STK32A: variants seen among roughly 807,000 people sequenced by gnomAD.
The protein encoded by STK32A is serine/threonine-protein kinase 32A.
A neutral mutation model predicts 53.2 loss-of-function variants in STK32A; 41 were observed. That is an observed-to-expected ratio of 0.77 (90% CI 0.60 to 1.00). The LOEUF is 1.00. STK32A is among the 50% of genes least tolerant of loss of function. STK32A has a pLI of 0.00. For synonymous variants in STK32A, 166 were observed against 162.8 expected, an observed-to-expected ratio of 1.02 and a Z score of -0.15; for missense variants, 458 against 485.8, an observed-to-expected ratio of 0.94 and a Z score of 0.54.
At chr5:147,389,765 G>A (rs1757753617), downstream of STK32A, among the ~76,000 whole-genome samples, 1 of 152,162 alleles carries the variant, frequency 6.6e-6, no homozygotes, top group South Asian at 2.1e-4. Context: ...CAGCTACTCA[G>A]GAGACTGAGA....
intron 4 of STK32A, among the ~76,000 whole-genome samples, chr5:147,316,418 C>T (rs1390166398): frequency 6.6e-6 from 1 of 152,124 alleles, no homozygotes; most frequent in Non-Finnish European, 1.5e-5. Context: ...TCATATTCTA[C>T]AGTTACAAAG....
chr5:147,323,105 A>G (rs1443380399), intron 4 of STK32A, among the ~76,000 whole-genome samples: 1 of 152,196 alleles, frequency 6.6e-6, no homozygotes, highest in East Asian at 1.9e-4. Context: ...ACGTTTTGGC[A>G]CCACCATTTG....
At chr5:147,356,871 G>GGGGA in intron 7 of STK32A, among the ~76,000 whole-genome samples, 1 of 152,104 alleles carries the variant, frequency 6.6e-6, no homozygotes, top group Admixed American at 6.5e-5. Context: ...TACTCAACCT[G>GGGGA]TACATTTAAA....
chr5:147,362,648 C>T (rs923792833), intron 8 of STK32A, among the ~76,000 whole-genome samples: 2 of 152,140 alleles, frequency 1.3e-5, no homozygotes, highest in Non-Finnish European at 2.9e-5. Context: ...TCAACAGTCC[C>T]AAAAGTCTTA....
In STK32A at chr5:147,383,948, C is replaced by CCACA; in HGVS notation, c.1157_1160dup (p.Gln387HisfsTer4). On this transcript the variant is annotated frameshift_variant, in exon 13 of 13. Transcript: ENST00000397936. LOFTEE classifies it high-confidence loss of function. ...TCTAGCCTTGGAACAAACCAAAGAC[C>CCACA]CACAAGGTGAGGATGGTCAGAATAA... The CCACA allele has an allele frequency of 2.5e-6, 4 of 1,608,898 alleles. No individual in the cohort carries two copies. Among genetic ancestry groups the CCACA allele is most frequent in the Non-Finnish European group, 3.4e-6 (4 of 1,178,218 alleles).
At chr5:147,376,753 A>G (rs1757247402) in intron 11 of STK32A, among the ~76,000 whole-genome samples, 1 of 152,128 alleles carries the variant, frequency 6.6e-6, no homozygotes, top group Non-Finnish European at 1.5e-5. Flanking sequence ...CTTCCCTTTC[A>G]TCTTCACATA....
In STK32A at chr5:147,384,679, G is replaced by A. The variant is rs1367106039; in HGVS notation, c.*696G>A. On this transcript the variant is annotated 3_prime_UTR_variant, in exon 13 of 13. Transcript: ENST00000397936. ...GTAATAATGGGAGCATTTACACCACGGAAACTGGTAAATGCTCGTTTTTTC... is the reference window on the plus strand; with the variant it reads ...GTAATAATGGGAGCATTTACACCACAGAAACTGGTAAATGCTCGTTTTTTC... 11 of 408,266 alleles carry A rather than the reference G, an allele frequency of 2.7e-5. No individual in the cohort carries two copies. Among genetic ancestry groups the A allele is most frequent in the South Asian group, 6.7e-5 (1 of 14,960 alleles). 25.3% of individuals were successfully genotyped at this position (408,266 alleles called of 1,614,324 possible). A position where few individuals can be genotyped will look rare whatever the true frequency, so the allele number is the denominator to read the frequency against.
chr5:147,358,552 G>C (rs1051925959), intron 7 of STK32A, among the ~76,000 whole-genome samples: 10 of 152,114 alleles, frequency 6.6e-5, no homozygotes, highest in African/African-American at 2.2e-4. Flanking sequence ...CAATGGGATA[G>C]GTAGGTAAAT....
intron 4 of STK32A, among the ~76,000 whole-genome samples, chr5:147,315,129 T>C (rs116857195): frequency 1.3e-5 from 2 of 152,194 alleles, no homozygotes; most frequent in Non-Finnish European, 2.9e-5. Flanking sequence ...ATAGTGGGAA[T>C]GTAATGTGGT....
At chr5:147,248,453 T>C (rs900144289) in intron 2 of STK32A, among the ~76,000 whole-genome samples, 1 of 152,196 alleles carries the variant, frequency 6.6e-6, no homozygotes, top group Non-Finnish European at 1.5e-5. Flanking sequence ...AGATATATTA[T>C]TTAATGGCCA....
Position 147,384,976 on chromosome 5 carries a change from A to G in STK32A, c.*993A>G, listed in dbSNP as rs1757594691. On this transcript the variant is annotated 3_prime_UTR_variant, in exon 13 of 13. Transcript: ENST00000397936. ...ATTACCCATAAAGTATATGGGAAGT[A>G]TCTTTTCTCAGTAAAGCCCAATACA... 1.3e-5 allele frequency: 2 copies of G among 152,472 alleles called. No homozygotes were observed. The highest frequency in any genetic ancestry group is 1.3e-4 in the Admixed American group (2 of 15,306). The allele number at this position is 152,472 out of a possible 1,614,324, so 9.4% of individuals were successfully genotyped here.
chr5:147,276,992 G>GTTGAGAAGAGAAAGTGATGATTA (rs1344126097), intron 2 of STK32A, among the ~76,000 whole-genome samples: 1 of 152,158 alleles, frequency 6.6e-6, no homozygotes, highest in Non-Finnish European at 1.5e-5. Flanking sequence ...GGAATTTGGA[G>GTTGAGAAGAGAAAGTGATGATTA]TTGAGAAGAG....
chr5:147,295,764 T>C (rs776435488), intron 4 of STK32A, among the ~76,000 whole-genome samples: 1 of 152,240 alleles, frequency 6.6e-6, no homozygotes. Context: ...ACCTTTAGAC[T>C]GTCAAGCCCT....
At chr5:147,290,106 G>A (rs1731228743) in intron 4 of STK32A, among the ~76,000 whole-genome samples, 1 of 152,126 alleles carries the variant, frequency 6.6e-6, no homozygotes, top group African/African-American at 2.4e-5. Context: ...AGAAACCCAT[G>A]CTATGGGGAT....
intron 11 of STK32A, chr5:147,375,461 C>G: frequency 2.7e-6 from 1 of 371,966 alleles, no homozygotes; most frequent in Non-Finnish European, 4.7e-6. Context: ...AGTTATTTCT[C>G]TCTTCCAGTT....
chr5:147,254,761 G>C (rs999556798), intron 2 of STK32A, among the ~76,000 whole-genome samples: 2 of 152,146 alleles, frequency 1.3e-5, no homozygotes, highest in East Asian at 1.9e-4. Flanking sequence ...GCAGGTAATC[G>C]GACTGAGTTA....
chr5:147,255,322 C>T (rs1167862673), intron 2 of STK32A, among the ~76,000 whole-genome samples: 2 of 152,076 alleles, frequency 1.3e-5, no homozygotes, highest in South Asian at 2.1e-4. Context: ...GAAGAAGCTT[C>T]TCTGGATAAG....
At chr5:147,359,257 G>A (rs1433141298) in intron 7 of STK32A, among the ~76,000 whole-genome samples, 1 of 151,922 alleles carries the variant, frequency 6.6e-6, no homozygotes, top group Non-Finnish European at 1.5e-5. Flanking sequence ...ATAATTACTC[G>A]TCTGTTATGT....
chr5:147,273,167 G>T (rs987652), intron 2 of STK32A, among the ~76,000 whole-genome samples: 1 of 151,934 alleles, frequency 6.6e-6, no homozygotes, highest in African/African-American at 2.4e-5. Flanking sequence ...TGCACAGCAT[G>T]TTGAGACAGA....
Sources: gnomAD v4.1 joint callset for allele counts (sites outside exome capture counted in the v4.1 genomes callset) on GRCh38, gnomAD v4.1.1 for gene constraint, MANE v1.5 for transcripts, NCBI Gene and HGNC (gene_info 2026-07-23, HGNC 2026-07-21) for gene names.